The following FGD4 variants were observed in gnomAD, a reference collection of about 807,000 sequenced individuals.
FGD4 encodes FYVE, RhoGEF and PH domain-containing protein 4.
A neutral mutation model predicts 102.0 loss-of-function variants in FGD4; 42 were observed. The ratio of observed to expected loss-of-function variants is 0.41; its 90% confidence interval spans 0.32 to 0.53. FGD4 has a LOEUF of 0.53. Ranked by LOEUF, FGD4 falls within the 20% of genes least tolerant of loss-of-function variation. The pLI, the probability that FGD4 is intolerant of heterozygous loss-of-function variation, is 0.21. For synonymous variants in FGD4, 380 were observed against 375.7 expected (o/e 1.01, Z -0.13); for missense variants, 902 against 1,078.2 (o/e 0.84, Z 2.29).
At chr12:32,571,161 A>G (rs1467618780) in intron 2 of FGD4, among the ~76,000 whole-genome samples, 2 of 152,200 alleles carry the variant, frequency 1.3e-5, no homozygotes, top group African/African-American at 4.8e-5. Context: ...ATTTTCCTTA[A>G]GAGTTGAATG....
intron 1 of FGD4, among the ~76,000 whole-genome samples, chr12:32,412,109 A>T (rs1941234817): frequency 6.6e-6 from 1 of 152,222 alleles, no homozygotes; most frequent in Non-Finnish European, 1.5e-5. Context: ...GGGGAAGAGG[A>T]GATAGGGAAT....
intron 14 of FGD4, among the ~76,000 whole-genome samples, chr12:32,630,514 T>A (rs1950436458): frequency 6.6e-6 from 1 of 151,986 alleles, no homozygotes; most frequent in Non-Finnish European, 1.5e-5. Context: ...ACTCTGTCTC[T>A]ACCAAAAATA....
At position 32,605,396 on chromosome 12, in the gene FGD4, T is replaced by C. The variant is rs181863225; in HGVS notation, c.1405-2561T>C. On this transcript the variant is annotated intron_variant, in intron 7 of 16. Transcript: ENST00000534526. ...ACTGAATATTGGGCTCCTGCTTTGA[T>C]TTTTACTAGCTTCTTTTGCTAACTC... Among the ~76,000 whole-genome samples, 745 of 152,280 alleles carry C rather than the reference T, an allele frequency of 4.9e-3. 2 individuals carry two copies. The highest frequency in any genetic ancestry group is 7.8e-3 in the Non-Finnish European group (531 of 68,020).
At chr12:32,501,929 T>A (rs1210199772) in intron 1 of FGD4, 1 of 591,530 alleles carries the variant, frequency 1.7e-6, no homozygotes, top group Non-Finnish European at 2.1e-6. Context: ...GTAAATTTGC[T>A]GGAAAGCTTT....
At chr12:32,473,559 C>T (rs2136526017) in intron 1 of FGD4, among the ~76,000 whole-genome samples, 1 of 152,144 alleles carries the variant, frequency 6.6e-6, no homozygotes, top group East Asian at 1.9e-4. Flanking sequence ...GGACAGACTC[C>T]AGACGCGCCA....
chr12:32,644,554 A>G lies in FGD4; in HGVS notation c.*4021A>G, dbSNP rs938742860. ...AATTCATCCTTATATATACCCCTTA[A>G]TCACGTAGTCATGAGAAGATAACTT... On this transcript the variant is annotated 3_prime_UTR_variant, in exon 17 of 17. Transcript: ENST00000534526. 2.0e-5 allele frequency: 3 copies of G among 152,122 alleles called. No homozygotes were observed. Among genetic ancestry groups the G allele is most frequent in the African/African-American group, 7.2e-5 (3 of 41,422 alleles). The allele number at this position is 152,122 out of a possible 1,614,324, so 9.4% of individuals were successfully genotyped here. A position where few individuals can be genotyped will look rare whatever the true frequency, so the allele number is the denominator to read the frequency against.
chr12:32,542,210 G>A (rs538075348), intron 1 of FGD4, among the ~76,000 whole-genome samples: 72 of 152,304 alleles, frequency 4.7e-4, no homozygotes, highest in African/African-American at 1.7e-3. Context: ...ACAGTAGGCT[G>A]AGGTAGTTTT....
At position 32,582,169 on chromosome 12, in the gene FGD4, A is replaced by G; in HGVS notation, c.713A>G (p.Glu238Gly). The G allele has an allele frequency of 6.2e-7, 1 of 1,614,206 alleles. No homozygotes were observed. The highest frequency in any genetic ancestry group is 8.5e-7 in the Non-Finnish European group (1 of 1,180,022). ...GTAATGGCAGCACAAAACCAGATGG[A>G]ATGTGAGGAGGAGAAAGCTGCCACT... is the stretch of plus-strand genomic sequence containing the variant. ...NGVMAAQNQM[E>G]CEEEKAATLS... is the part of the protein sequence containing the mutation. The change falls in exon 4 of 17, where the codon GAA becomes GGA. Residue 238 changes from glutamate (E) to glycine (G), a missense_variant. Around this residue, in one of 2 missense-constraint regions of FGD4, gnomAD observed 443 missense variants for 459.2 expected, o/e 0.96. Transcript: ENST00000534526.
At chr12:32,612,142 G>C (rs1475656298) in intron 10 of FGD4, among the ~76,000 whole-genome samples, 6 of 152,218 alleles carry the variant, frequency 3.9e-5, no homozygotes, top group South Asian at 2.1e-4. Flanking sequence ...GGTTGCTGAG[G>C]GTGGCTTGGT....
Position 32,601,363 on chromosome 12 carries a change from C to CA in FGD4, c.1189dup (p.Ile397AsnfsTer6). 2 of 1,614,090 alleles carry CA rather than the reference C, an allele frequency of 1.2e-6. No homozygotes were observed. Among genetic ancestry groups the CA allele is most frequent in the Non-Finnish European group, 1.7e-6 (2 of 1,180,014 alleles). ...AATAAAATCTTTTCTAATATTTCATCAATAAATGCCTTCCATAGTAAATTC... is the reference window on the plus strand; with the variant it reads ...AATAAAATCTTTTCTAATATTTCATCAAATAAATGCCTTCCATAGTAAATTC... On this transcript the variant is annotated frameshift_variant, in exon 6 of 17. Transcript: ENST00000534526. LOFTEE classifies it high-confidence loss of function.
chr12:32,517,221 T>C (rs529092228), intron 1 of FGD4, among the ~76,000 whole-genome samples: 1 of 152,330 alleles, frequency 6.6e-6, no homozygotes, highest in South Asian at 2.1e-4. Flanking sequence ...TATAGCTCTT[T>C]GATTAGGATA....
chr12:32,408,302 G>A (rs1941038547), intron 1 of FGD4, among the ~76,000 whole-genome samples: 2 of 151,970 alleles, frequency 1.3e-5, no homozygotes, highest in African/African-American at 4.8e-5. Flanking sequence ...CCGAGTAGCT[G>A]GGATTACAGG....
chr12:32,576,599 G>A (rs1946146732), intron 3 of FGD4, 150 bp downstream of exon 3: 10 of 878,786 alleles, frequency 1.1e-5, no homozygotes, highest in East Asian at 7.9e-5. Flanking sequence ...TTTTTAAAAC[G>A]AATGACTTAA....
chr12:32,436,781 T>A (rs2728671), intron 1 of FGD4, among the ~76,000 whole-genome samples: 59,721 of 151,874 alleles, frequency 0.39, 12,310 homozygotes, highest in African/African-American at 0.5. Context: ...AACCACACAG[T>A]GAACCTACAC....
rs759931061 is a variant in FGD4, at chr12:32,640,328, T to C, written c.2507T>C (p.Met836Thr). The change falls in exon 17 of 17, where the codon ATG becomes ACG. Residue 836 changes from methionine (M) to threonine (T), a missense_variant. Around this residue, in one of 2 missense-constraint regions of FGD4, gnomAD observed 459 missense variants for 619.0 expected, o/e 0.74. Transcript: ENST00000534526. ...CTTCTGGGCTATGTGGTGGATGAAA[T>C]GCCAAGGAGCGCAGACCTGCCACAC... ...IPLLGYVVDE[M>T]PRSADLPHSF... The C allele has an allele frequency of 6.2e-7, 1 of 1,614,172 alleles. No individual in the cohort carries two copies. Among genetic ancestry groups the C allele is most frequent in the South Asian group, 1.1e-5 (1 of 91,082 alleles).
intron 1 of FGD4, among the ~76,000 whole-genome samples, chr12:32,406,085 T>C (rs1040885678): frequency 7.2e-5 from 11 of 151,960 alleles, no homozygotes; most frequent in African/African-American, 2.7e-4. Flanking sequence ...CTGGGATTAC[T>C]GGCATGTGCC....
At chr12:32,621,034 C>T (rs1234569393) in intron 11 of FGD4, among the ~76,000 whole-genome samples, 1 of 151,924 alleles carries the variant, frequency 6.6e-6, no homozygotes, top group African/African-American at 2.4e-5. Flanking sequence ...ACGCATGAAC[C>T]CCTGGAATAC....
At chr12:32,606,145 A>T (rs74333015) in intron 7 of FGD4, among the ~76,000 whole-genome samples, 6,028 of 152,306 alleles carry the variant, frequency 0.04, 186 homozygotes, top group Non-Finnish European at 0.053. Context: ...GATGTACGTA[A>T]TAGATTTTGG....
intron 11 of FGD4, among the ~76,000 whole-genome samples, chr12:32,623,488 G>C (rs1312636546): frequency 2.0e-5 from 3 of 152,106 alleles, no homozygotes; most frequent in Non-Finnish European, 4.4e-5. Context: ...CAATTTGCTG[G>C]AAAGATAGAT....
Sources: allele counts gnomAD v4.1 joint callset (sites outside exome capture counted in the v4.1 genomes callset), GRCh38; gene constraint gnomAD v4.1.1; regional missense constraint gnomAD v4.1.1; transcripts MANE v1.5; gene names NCBI Gene and HGNC (gene_info 2026-07-23, HGNC 2026-07-21).